TTI1: variants seen among roughly 807,000 people sequenced by gnomAD.
The protein encoded by TTI1 is TELO2-interacting protein 1 homolog.
A neutral mutation model predicts 85.4 loss-of-function variants in TTI1; 52 were observed. The ratio of observed to expected loss-of-function variants is 0.61; its 90% CI spans 0.49 to 0.77. TTI1 has a LOEUF of 0.77. TTI1 is among the 30% of genes least tolerant of loss of function. The pLI, the probability that TTI1 is intolerant of heterozygous loss-of-function variation, is 0.00. For synonymous variants in TTI1, 512 were observed against 503.9 expected (o/e 1.02, Z -0.22); for missense variants, 1,173 against 1,296.0 (o/e 0.91, Z 1.46).
chr20:37,996,933 G>T lies in TTI1; in HGVS notation c.2814C>A (p.Ser938Arg). The stretch of plus-strand genomic sequence containing the variant: ...GGCTGCGAAGAAAGTCACCACACTT[G>T]CTTCCCAGGGTACGTAAAACCTGCA... Reference protein sequence around the residue: ...RAFKVLRTLGSKCGDFLRSRF... With the variant: ...RAFKVLRTLGRKCGDFLRSRF... The change falls in exon 6 of 8, where the codon AGC becomes AGA. Residue 938 changes from serine to arginine, a missense_variant. Coordinates refer to ENST00000373447, the MANE Select transcript of TTI1 (RefSeq NM_001303457.2). 1 of 1,613,988 alleles carries T rather than the reference G, an allele frequency of 6.2e-7. No homozygotes were observed. The highest frequency in any genetic ancestry group is 8.5e-7 in the Non-Finnish European group (1 of 1,179,982).
chr20:38,015,858 G>A (rs1437051308), intron 1 of TTI1, among the ~76,000 whole-genome samples: 3 of 152,168 alleles, frequency 2.0e-5, no homozygotes, highest in African/African-American at 7.2e-5. Context: ...TTGGAGGACA[G>A]ATCTGGAAGA....
At chr20:37,998,598 A>G (rs1377540268) in intron 5 of TTI1, among the ~76,000 whole-genome samples, 8 of 152,210 alleles carry the variant, frequency 5.3e-5, no homozygotes, top group Admixed American at 4.6e-4. Context: ...TACCTTACAT[A>G]TATATAGGAC....
intron 4 of TTI1, among the ~76,000 whole-genome samples, chr20:38,002,306 G>A (rs1462400067): frequency 2.0e-5 from 3 of 152,218 alleles, no homozygotes; most frequent in Non-Finnish European, 2.9e-5. Flanking sequence ...TCTCATTAAA[G>A]TATTAAAACC....
At chr20:38,014,233 G>T (rs765960439) in intron 1 of TTI1, among the ~76,000 whole-genome samples, 2 of 152,076 alleles carry the variant, frequency 1.3e-5, no homozygotes, top group Non-Finnish European at 2.9e-5. Flanking sequence ...AAACCTTCAG[G>T]TTTCATCTTT....
intron 1 of TTI1, among the ~76,000 whole-genome samples, chr20:38,025,686 A>G (rs1359176580): frequency 6.6e-6 from 1 of 152,258 alleles, no homozygotes; most frequent in Non-Finnish European, 1.5e-5. Flanking sequence ...ATTAAAATGT[A>G]TCGATAAGCA....
intron 4 of TTI1, among the ~76,000 whole-genome samples, chr20:37,999,802 G>T (rs2073394864): frequency 6.6e-6 from 1 of 152,168 alleles, no homozygotes; most frequent in African/African-American, 2.4e-5. Context: ...GTGAAAGAAG[G>T]GCAGCGTGGA....
chr20:38,006,548 C>CA (rs769149379), intron 2 of TTI1, 151 bp from the exon 3 acceptor site: 172 of 773,154 alleles, frequency 2.2e-4, no homozygotes, highest in Non-Finnish European at 3.3e-4. Context: ...CCCATTAACT[C>CA]ATCCTTTTCC....
intron 5 of TTI1, 50 bp downstream of exon 5, chr20:37,999,138 C>T (rs756218097): frequency 2.9e-5 from 38 of 1,325,912 alleles, no homozygotes; most frequent in Non-Finnish European, 3.6e-5. Flanking sequence ...GAGCTCTGTG[C>T]CTACTAACTC....
chr20:38,028,546 C>G (rs2073864132), intron 1 of TTI1, among the ~76,000 whole-genome samples: 1 of 152,158 alleles, frequency 6.6e-6, no homozygotes, highest in South Asian at 2.1e-4. Context: ...GAAACAAATT[C>G]ACAATAGATG....
intron 2 of TTI1, among the ~76,000 whole-genome samples, chr20:38,006,720 C>T (rs2073506025): frequency 6.6e-6 from 1 of 152,226 alleles, no homozygotes; most frequent in Non-Finnish European, 1.5e-5. Flanking sequence ...TCCCTTGACT[C>T]CCCTGTTTAA....
chr20:37,996,586 C>A (rs1395818946), intron 6 of TTI1, 124 bp from the exon 7 acceptor site: 2 of 1,394,052 alleles, frequency 1.4e-6, no homozygotes, highest in African/African-American at 1.4e-5. Flanking sequence ...TACTCCATCC[C>A]GCCAAAGAAC....
At chr20:37,996,529 T>C in intron 6 of TTI1, 67 bp from the exon 7 acceptor site, 1 of 1,576,702 alleles carries the variant, frequency 6.3e-7, no homozygotes, top group Non-Finnish European at 8.7e-7. Flanking sequence ...AGTGACCAAC[T>C]GTGTCTGGAG....
chr20:38,017,977 A>G (rs965331818), intron 1 of TTI1, among the ~76,000 whole-genome samples: 1 of 152,250 alleles, frequency 6.6e-6, no homozygotes, highest in African/African-American at 2.4e-5. Flanking sequence ...ACGTCAGACT[A>G]GACTGAAGTA....
intron 1 of TTI1, among the ~76,000 whole-genome samples, chr20:38,026,245 C>T (rs1480193851): frequency 7.2e-5 from 11 of 152,054 alleles, no homozygotes; most frequent in African/African-American, 1.9e-4. Context: ...TAGCAACCTC[C>T]GCCTGCCAGG....
intron 7 of TTI1, among the ~76,000 whole-genome samples, chr20:37,989,170 C>T (rs551889164): frequency 7.2e-5 from 11 of 152,338 alleles, no homozygotes; most frequent in Admixed American, 7.2e-4. Context: ...ACGATTTACT[C>T]TCCAAATAAA....
rs886742996 is a variant in TTI1 at position 38,013,127 on chromosome 20, G to A, written c.690C>T (p.Ser230=). 1.4e-5 allele frequency: 23 copies of A among 1,614,046 alleles called. No individual in the cohort carries two copies. Among genetic ancestry groups the A allele is most frequent in the Non-Finnish European group, 1.8e-5 (21 of 1,180,050 alleles). The change falls in exon 2 of 8, where the codon AGC becomes AGT. Residue 230 remains serine (S), a synonymous_variant. Coordinates refer to ENST00000373447, the MANE Select transcript of TTI1 (RefSeq NM_001303457.2). The part of the protein sequence containing the change: ...LITGDFKQGH[S]IVVSSLKIFY... ...AGATCTTTAGGGAAGATACGACAATGCTGTGACCTTGTTTAAAGTCTCCTG... is the reference window on the plus strand; with the variant it reads ...AGATCTTTAGGGAAGATACGACAATACTGTGACCTTGTTTAAAGTCTCCTG...
rs774341931 is a variant in TTI1 at position 38,002,162 on chromosome 20, C to CA, written c.2652+465dup. 5.9e-5 allele frequency among the ~76,000 whole-genome samples: 9 copies of CA among 152,284 alleles called. No homozygotes were observed. The East Asian group carries it at 1.2e-3, about 20-fold the overall frequency. ...CATCCTGTTATTGCAGTCACTACTA[C>CA]ATGCTTTCAGCCCTTGCTGATGGGG... is the stretch of plus-strand genomic sequence containing the variant. On this transcript the variant is annotated intron_variant, in intron 4 of 7. Transcript: ENST00000373447.
chr20:37,990,973 CT>C (rs1282965787), intron 7 of TTI1, among the ~76,000 whole-genome samples: 2 of 152,186 alleles, frequency 1.3e-5, no homozygotes, highest in Non-Finnish European at 2.9e-5. Flanking sequence ...AGGTCCCTGC[CT>C]TCAGTTCTGA....
chr20:38,030,701 C>T (rs1030276156), intron 1 of TTI1, among the ~76,000 whole-genome samples: 1 of 152,104 alleles, frequency 6.6e-6, no homozygotes, highest in Non-Finnish European at 1.5e-5. Flanking sequence ...CCTTTCAGAC[C>T]TCTATATGTT....
Sources: gnomAD v4.1 joint callset for allele counts (sites outside exome capture counted in the v4.1 genomes callset) on GRCh38, gnomAD v4.1.1 for gene constraint, MANE v1.5 for transcripts, NCBI Gene and HGNC (gene_info 2026-07-23, HGNC 2026-07-21) for gene names.